CBFA2T2: variants seen among roughly 807,000 people sequenced by gnomAD.
The protein encoded by CBFA2T2 is protein CBFA2T2.
Under a neutral mutation model 62.2 loss-of-function variants are expected in CBFA2T2, and 11 were observed. The ratio of observed to expected loss-of-function variants is 0.18; its 90% CI spans 0.11 to 0.29. The LOEUF (loss-of-function observed/expected upper bound fraction) is 0.29. Among genes scored for constraint, CBFA2T2 ranks in the 10% least tolerant of loss-of-function variants. The pLI is 1.00. For missense variants in CBFA2T2, 592 were observed against 774.1 expected, an observed-to-expected ratio of 0.76 and a Z score of 2.79; for synonymous variants, 295 against 287.5, an observed-to-expected ratio of 1.03 and a Z score of -0.27.
At chr20:33,601,166 A>T (rs532855248) in intron 1 of CBFA2T2, among the ~76,000 whole-genome samples, 2 of 152,228 alleles carry the variant, frequency 1.3e-5, no homozygotes, top group African/African-American at 4.8e-5. Context: ...CGCCCACCTC[A>T]GTCTCCCAAA....
At chr20:33,538,168 G>A (rs992047963) in intron 1 of CBFA2T2, among the ~76,000 whole-genome samples, 2 of 151,934 alleles carry the variant, frequency 1.3e-5, no homozygotes, top group Admixed American at 1.3e-4. Flanking sequence ...TTCCTGTACA[G>A]GTTTTATGTC....
chr20:33,597,260 T>C (rs1353116454), intron 1 of CBFA2T2, among the ~76,000 whole-genome samples: 1 of 152,188 alleles, frequency 6.6e-6, no homozygotes, highest in Non-Finnish European at 1.5e-5. Flanking sequence ...ATTTATTTTT[T>C]ATTTATTTAC....
At chr20:33,602,876 G>A (rs182422003) in intron 1 of CBFA2T2, among the ~76,000 whole-genome samples, 26 of 152,184 alleles carry the variant, frequency 1.7e-4, no homozygotes, top group Admixed American at 5.2e-4. Flanking sequence ...AATAATCAGG[G>A]TTACTTGACC....
chr20:33,509,535 GA>G (rs1205536185), intron 1 of CBFA2T2, among the ~76,000 whole-genome samples: 1 of 151,374 alleles, frequency 6.6e-6, no homozygotes, highest in Non-Finnish European at 1.5e-5. Flanking sequence ...TTCCTTATTT[GA>G]AAAGGTCCTG....
intron 3 of CBFA2T2, among the ~76,000 whole-genome samples, chr20:33,615,087 C>A (rs373563649): frequency 6.6e-6 from 1 of 152,200 alleles, no homozygotes. Flanking sequence ...GTCACAGCTA[C>A]TCAGGAGACT....
chr20:33,543,328 G>C (rs932773077), intron 1 of CBFA2T2, among the ~76,000 whole-genome samples: 17 of 152,134 alleles, frequency 1.1e-4, no homozygotes, highest in African/African-American at 4.1e-4. Context: ...TTATTTTATA[G>C]TGATACACTT....
At chr20:33,522,248 T>C (rs1488470209) in intron 1 of CBFA2T2, among the ~76,000 whole-genome samples, 4 of 152,184 alleles carry the variant, frequency 2.6e-5, no homozygotes. Context: ...GCCTGGTTCC[T>C]TGGAGAATTG....
chr20:33,598,239 A>G (rs775663991), intron 1 of CBFA2T2, among the ~76,000 whole-genome samples: 15 of 152,184 alleles, frequency 9.9e-5, no homozygotes, highest in Non-Finnish European at 2.1e-4. Flanking sequence ...GGTCTGACCA[A>G]AATTTATTAG....
intron 1 of CBFA2T2, among the ~76,000 whole-genome samples, chr20:33,545,005 T>TAGAACAGAAC (rs1321591872): frequency 1.9e-4 from 25 of 128,996 alleles, no homozygotes; most frequent in African/African-American, 6.8e-4. Flanking sequence ...TAGAATAGAA[T>TAGAACAGAAC]AGAATAGAAC....
chr20:33,629,880 G>A lies in CBFA2T2; in HGVS notation c.1194G>A (p.Gln398=). The change falls in exon 8 of 11, where the codon CAG becomes CAA. Residue 398 remains glutamine, a synonymous_variant. Coordinates refer to ENST00000342704, the MANE Select transcript of CBFA2T2 (RefSeq NM_001032999.3). ...RKTGTELVSR[Q]HSPGSADSLS... ...CGGGGACCGAGTTGGTCTCCAGGCA[G>A]CACAGCCCTGGGAGTGCAGATTCTC... 2 of 1,613,960 alleles carry A rather than the reference G, an allele frequency of 1.2e-6. No homozygotes were observed. Among genetic ancestry groups the A allele is most frequent in the South Asian group, 2.2e-5 (2 of 91,060 alleles).
intron 4 of CBFA2T2, among the ~76,000 whole-genome samples, chr20:33,622,516 A>G (rs1289688315): frequency 6.6e-6 from 1 of 152,244 alleles, no homozygotes; most frequent in Non-Finnish European, 1.5e-5. Context: ...GGGTTTTAAA[A>G]TGTGATTTGT....
intron 1 of CBFA2T2, among the ~76,000 whole-genome samples, chr20:33,494,407 G>C (rs1201354566): frequency 1.5e-5 from 2 of 136,060 alleles, no homozygotes; most frequent in Non-Finnish European, 3.1e-5. Context: ...TCAGCCTCCC[G>C]AGTAGCTGGG....
chr20:33,610,151 A>T (rs1338684563), intron 2 of CBFA2T2, among the ~76,000 whole-genome samples: 1 of 152,144 alleles, frequency 6.6e-6, no homozygotes, highest in Non-Finnish European at 1.5e-5. Context: ...TTAGCTGTGC[A>T]TGGTGGCATG....
intron 1 of CBFA2T2, among the ~76,000 whole-genome samples, chr20:33,500,833 T>A (rs1176580683): frequency 2.6e-5 from 4 of 152,072 alleles, no homozygotes; most frequent in African/African-American, 9.7e-5. Flanking sequence ...ATTAAAAAAA[T>A]AAAAAGGCAA....
At chr20:33,626,285 G>T (rs139112311) in intron 6 of CBFA2T2, among the ~76,000 whole-genome samples, 142 of 152,322 alleles carry the variant, frequency 9.3e-4, no homozygotes, top group Non-Finnish European at 1.7e-3. Context: ...AAAGATGCAA[G>T]ATTTCACCTT....
intron 1 of CBFA2T2, among the ~76,000 whole-genome samples, chr20:33,537,294 G>T (rs1048836422): frequency 6.6e-6 from 1 of 152,240 alleles, no homozygotes; most frequent in African/African-American, 2.4e-5. Flanking sequence ...AGACCAGCCC[G>T]GCCAACACAG....
At chr20:33,585,408 A>G (rs1350341703) in intron 1 of CBFA2T2, among the ~76,000 whole-genome samples, 4 of 152,234 alleles carry the variant, frequency 2.6e-5, no homozygotes, top group African/African-American at 9.6e-5. Context: ...TACTACATAT[A>G]TATAGGAAGG....
intron 10 of CBFA2T2, among the ~76,000 whole-genome samples, chr20:33,642,446 A>T (rs914673255): frequency 6.6e-6 from 1 of 152,084 alleles, no homozygotes; most frequent in Non-Finnish European, 1.5e-5. Flanking sequence ...TGCCAAAAAA[A>T]AAATTTAAAA....
At chr20:33,531,082 C>G (rs1403735021) in intron 1 of CBFA2T2, among the ~76,000 whole-genome samples, 2 of 152,022 alleles carry the variant, frequency 1.3e-5, no homozygotes, top group Non-Finnish European at 2.9e-5. Flanking sequence ...GACTCCGTCT[C>G]TAAATAAATA....
Sources: allele counts gnomAD v4.1 joint callset (sites outside exome capture counted in the v4.1 genomes callset), GRCh38; gene constraint gnomAD v4.1.1; transcripts MANE v1.5; gene names NCBI Gene and HGNC (gene_info 2026-07-23, HGNC 2026-07-21).